The following GRAMD1B variants were observed in gnomAD, a reference collection of about 807,000 sequenced individuals.
The protein encoded by GRAMD1B is GRAM domain containing 1B.
Under a neutral mutation model 99.7 loss-of-function variants are expected in GRAMD1B, and 37 were observed. That is an observed-to-expected ratio of 0.37 (90% CI 0.29 to 0.49). GRAMD1B has a LOEUF of 0.49. Among genes scored for constraint, GRAMD1B ranks in the 20% least tolerant of loss-of-function variants. The pLI, the probability that GRAMD1B is intolerant of heterozygous loss-of-function variation, is 0.98. For synonymous variants in GRAMD1B, 427 were observed against 387.6 expected (o/e 1.10, Z -1.19); for missense variants, 888 against 1,009.2 (o/e 0.88, Z 1.63).
chr11:123,624,476 C>G lies in GRAMD1B; in HGVS notation c.*1881C>G, dbSNP rs553942526. 6.6e-6 allele frequency: 1 copy of G among 152,182 alleles called. No homozygotes were observed. 9.4% of individuals were successfully genotyped at this position (152,182 alleles called of 1,614,324 possible). ...GGCATGAGCTAGAGTGGATATTCCT[C>G]CCCTAGAAGAGGAGATGGGAGGAAA... On this transcript the variant is annotated 3_prime_UTR_variant, in exon 20 of 20. Coordinates refer to ENST00000635736, the MANE Select transcript of GRAMD1B (RefSeq NM_001387025.1).
At chr11:123,449,713 G>GTTTTTTTTTTTTTTTTTTTTTTTTTTTT (rs1245614513) in intron 1 of GRAMD1B, among the ~76,000 whole-genome samples, 2 of 79,556 alleles carry the variant, frequency 2.5e-5, no homozygotes, top group Admixed American at 1.0e-4. Context: ...ACCATGCCTG[G>GTTTTTTTTTTTTTTTTTTTTTTTTTTTT]CTTTTTTTTT....
intron 7 of GRAMD1B, chr11:123,598,178 A>G: frequency 1.3e-6 from 2 of 1,514,976 alleles, no homozygotes; most frequent in Non-Finnish European, 1.8e-6. Context: ...CATTCAGCAA[A>G]GTGCCGCTGG....
chr11:123,582,774 C>T (rs371259695), intron 3 of GRAMD1B, among the ~76,000 whole-genome samples: 2 of 152,202 alleles, frequency 1.3e-5, no homozygotes, highest in African/African-American at 4.8e-5. Flanking sequence ...CACCCTTGTG[C>T]GTAGTCGCTT....
At chr11:123,362,517 A>G (rs1039048308) in intron 1 of GRAMD1B, among the ~76,000 whole-genome samples, 1 of 152,210 alleles carries the variant, frequency 6.6e-6, no homozygotes. Context: ...TGCAACTTGC[A>G]TTTATTTTTT....
intron 1 of GRAMD1B, among the ~76,000 whole-genome samples, chr11:123,379,819 G>T: frequency 6.6e-6 from 1 of 152,172 alleles, no homozygotes; most frequent in Non-Finnish European, 1.5e-5. Context: ...ATATATGCGG[G>T]TTCTAACTTC....
At position 123,584,328 on chromosome 11, in the gene GRAMD1B, A is replaced by T; in HGVS notation, c.680A>T (p.Tyr227Phe). 1 of 604,498 alleles carries T rather than the reference A, an allele frequency of 1.7e-6. No individual in the cohort carries two copies. The highest frequency in any genetic ancestry group is 2.1e-6 in the Non-Finnish European group (1 of 475,190). 37.4% of individuals were successfully genotyped at this position (604,498 alleles called of 1,614,324 possible). Residue 227 changes from tyrosine (Y) to phenylalanine (F), a missense_variant, in exon 4 of 20, where the codon TAT (tyrosine) becomes TTT (phenylalanine). Physicochemically the swap from Tyr to Phe is conservative, Grantham distance 22. Transcript: ENST00000635736. Reference protein sequence around the residue: ...GKNSKKSQSWYNVLSPTYKQR... With the variant: ...GKNSKKSQSWFNVLSPTYKQR... Reference sequence around the variant, plus strand: ...TCTTTTCAGAAAAGCCAGAGTTGGTATAATGTAAGTATTCCTGTTTCCCTT... The same window carrying T: ...TCTTTTCAGAAAAGCCAGAGTTGGTTTAATGTAAGTATTCCTGTTTCCCTT...
chr11:123,394,424 G>A (rs372572194), intron 1 of GRAMD1B, among the ~76,000 whole-genome samples: 38 of 152,142 alleles, frequency 2.5e-4, no homozygotes, highest in Non-Finnish European at 4.4e-4. Context: ...CTCCACTTCC[G>A]TATTTGTGGA....
At chr11:123,368,679 C>CAAAAA (rs58877377) in intron 1 of GRAMD1B, among the ~76,000 whole-genome samples, 220 of 73,924 alleles carry the variant, frequency 3.0e-3, no homozygotes, top group Middle Eastern at 0.013. Context: ...GACTCTGTCT[C>CAAAAA]AAAAAAAAAA....
intron 1 of GRAMD1B, among the ~76,000 whole-genome samples, chr11:123,381,915 G>A (rs940183315): frequency 1.3e-5 from 2 of 152,196 alleles, no homozygotes; most frequent in African/African-American, 4.8e-5. Flanking sequence ...GGTGGGGTAA[G>A]TGTTAGTGGC....
chr11:123,501,793 T>C (rs756257253), intron 2 of GRAMD1B, among the ~76,000 whole-genome samples: 27 of 152,228 alleles, frequency 1.8e-4, no homozygotes, highest in Non-Finnish European at 3.1e-4. Flanking sequence ...TTTTTGAGCA[T>C]GTTTCTTGTG....
At chr11:123,372,003 GA>G (rs112368810) in intron 1 of GRAMD1B, among the ~76,000 whole-genome samples, 2,078 of 149,856 alleles carry the variant, frequency 0.014, 37 homozygotes, top group African/African-American at 0.042. Context: ...AAAATCAGGG[GA>G]AAAAAAAAAT....
intron 1 of GRAMD1B, among the ~76,000 whole-genome samples, chr11:123,448,021 T>C (rs1949714715): frequency 6.7e-6 from 1 of 148,574 alleles, no homozygotes; most frequent in Non-Finnish European, 1.5e-5. Context: ...TTTCTTCTTT[T>C]ATATATGTAT....
intron 2 of GRAMD1B, among the ~76,000 whole-genome samples, chr11:123,543,240 G>GT (rs1396238608): frequency 1.3e-5 from 2 of 152,172 alleles, no homozygotes; most frequent in Non-Finnish European, 2.9e-5. Flanking sequence ...CAAGGTAGAG[G>GT]TGAAATGCTT....
At chr11:123,438,811 G>C (rs1949280588) in intron 1 of GRAMD1B, among the ~76,000 whole-genome samples, 1 of 152,212 alleles carries the variant, frequency 6.6e-6, no homozygotes, top group African/African-American at 2.4e-5. Flanking sequence ...GCTGGTCACT[G>C]ATAATTGCTT....
chr11:123,495,258 G>A (rs1406328151), intron 2 of GRAMD1B, among the ~76,000 whole-genome samples: 8 of 151,666 alleles, frequency 5.3e-5, no homozygotes, highest in Admixed American at 5.3e-4. Context: ...ATAAATACAA[G>A]CCCTAATATG....
intron 2 of GRAMD1B, among the ~76,000 whole-genome samples, chr11:123,521,568 C>T (rs1335806023): frequency 6.6e-6 from 1 of 152,020 alleles, no homozygotes; most frequent in African/African-American, 2.4e-5. Context: ...CCTTTATGGG[C>T]ATTGTTTTTG....
intron 2 of GRAMD1B, among the ~76,000 whole-genome samples, chr11:123,575,104 G>A (rs77277166): frequency 0.012 from 1,858 of 152,158 alleles, 43 homozygotes; most frequent in African/African-American, 0.042. Flanking sequence ...ACTGCTGGGC[G>A]GTGAGGAGTT....
chr11:123,622,307 G>A (rs188930472), intron 19 of GRAMD1B, among the ~76,000 whole-genome samples, 199 bp from the exon 20 acceptor site: 303 of 152,264 alleles, frequency 2.0e-3, no homozygotes, highest in African/African-American at 6.9e-3. Context: ...ACAGGTGTGC[G>A]TCACTGCACC....
chr11:123,389,055 CCCACTG>C lies in GRAMD1B; in HGVS notation c.-176+30261_-176+30266del, dbSNP rs534161041. On this transcript the variant is annotated intron_variant, in intron 1 of 20. Transcript: ENST00000638157. ...ACCTCTGTGATCTTCCTCCCCAAAA[CCCACTG>C]CCACAGTCTAATCATGAGAAAAACA... Among the ~76,000 whole-genome samples, 142 of 152,166 alleles carry C rather than the reference CCCACTG, an allele frequency of 9.3e-4. 1 individual carries two copies. The highest frequency in any genetic ancestry group is 2.6e-3 in the African/African-American group (107 of 41,510).
Sources: allele counts gnomAD v4.1 joint callset (sites outside exome capture counted in the v4.1 genomes callset), GRCh38; gene constraint gnomAD v4.1.1; transcripts MANE v1.5; gene names NCBI Gene and HGNC (gene_info 2026-07-23, HGNC 2026-07-21).